The following GPR89A variants were observed in gnomAD, a reference collection of about 807,000 sequenced individuals.
The protein encoded by GPR89A is G protein-coupled receptor 89A.
A neutral mutation model predicts 52.0 loss-of-function variants in GPR89A; 16 were observed. The ratio of observed to expected loss-of-function variants is 0.31; its 90% CI spans 0.21 to 0.47. The LOEUF (loss-of-function observed/expected upper bound fraction) is 0.47, where lower values mean the gene tolerates loss of function less well. Ranked by LOEUF, GPR89A falls within the 20% of genes least tolerant of loss-of-function variation. The pLI, the probability that GPR89A is intolerant of heterozygous loss-of-function variation, is 1.00. For synonymous variants in GPR89A, 55 were observed against 150.9 expected (o/e 0.36, Z 4.66); for missense variants, 135 against 449.4 (o/e 0.30, Z 6.33).
At chr1:145,648,765 G>A (rs1302250427) in intron 10 of GPR89A, among the ~76,000 whole-genome samples, 2 of 145,466 alleles carry the variant, frequency 1.4e-5, no homozygotes, top group Admixed American at 6.9e-5. Flanking sequence ...ACAGGCGTGA[G>A]CCATCATCAC....
intron 7 of GPR89A, among the ~76,000 whole-genome samples, chr1:145,642,661 A>G (rs1398790695): frequency 2.0e-5 from 3 of 152,114 alleles, no homozygotes; most frequent in Non-Finnish European, 4.4e-5. Flanking sequence ...ATAAATACCA[A>G]TGCTGCTGCT....
rs377535028 is a variant in GPR89A at position 145,612,260 on chromosome 1, A to G, written c.43-3974A>G. On this transcript the variant is annotated intron_variant, in intron 1 of 13. Coordinates refer to ENST00000313835, the MANE Select transcript of GPR89A (RefSeq NM_001097612.2). ...GTGAAGCCAAAAGGTATGATCTCCT[A>G]CTATGAATACTTTCTGCATTTTAAT... The G allele has an allele frequency of 3.9e-5, 6 of 152,338 alleles. No individual in the cohort carries two copies. In the East Asian group the frequency reaches 7.7e-4, roughly 20 times the overall value. The allele number at this position is 152,338 out of a possible 1,614,324, so 9.4% of individuals were successfully genotyped here. A position where few individuals can be genotyped will look rare whatever the true frequency, so the allele number is the denominator to read the frequency against.
At chr1:145,666,268 T>C (rs1346374254) in intron 12 of GPR89A, among the ~76,000 whole-genome samples, 8 of 145,080 alleles carry the variant, frequency 5.5e-5, no homozygotes, top group African/African-American at 1.8e-4. Context: ...TAGGCAGATA[T>C]TCAGCAGATA....
chr1:145,649,488 T>C (rs1480818336), intron 10 of GPR89A, among the ~76,000 whole-genome samples: 1 of 149,706 alleles, frequency 6.7e-6, no homozygotes, highest in Non-Finnish European at 1.5e-5. Context: ...GTTTATTCTT[T>C]TGTATTGCTG....
At chr1:145,623,238 T>G in intron 4 of GPR89A, 78 bp downstream of exon 4, 1 of 1,467,728 alleles carries the variant, frequency 6.8e-7, no homozygotes, top group Non-Finnish European at 9.2e-7. Flanking sequence ...ATAGCTTCAT[T>G]TCTACATTAA....
rs1485795166 is a variant in GPR89A at position 145,629,890 on chromosome 1, T to C, written c.416-797T>C. 2.6e-5 allele frequency among the ~76,000 whole-genome samples: 4 copies of C among 152,218 alleles called. No homozygotes were observed. The East Asian group carries it at 7.7e-4, about 29-fold the overall frequency. ...TTTGAAGCTGACAGAATTCCTGAATTATAGCTCTGGCATTTGACCATAGGA... is the reference window on the plus strand; with the variant it reads ...TTTGAAGCTGACAGAATTCCTGAATCATAGCTCTGGCATTTGACCATAGGA... On this transcript the variant is annotated intron_variant, in intron 5 of 13. Transcript: ENST00000313835.
In GPR89A at chr1:145,613,530, T is replaced by C. The variant is rs1338562157; in HGVS notation, c.43-2704T>C. Among the ~76,000 whole-genome samples, 11 of 152,224 alleles carry C rather than the reference T, an allele frequency of 7.2e-5. No homozygotes were observed. The South Asian group carries it at 8.3e-4, about 12-fold the overall frequency. On this transcript the variant is annotated intron_variant, in intron 1 of 13. Transcript: ENST00000313835. ...CATTTCCCTGCTTAAATAACCCTCA[T>C]CACCTACAGACTATAATCTAAGCTC...
chr1:145,666,509 G>A (rs140230303), intron 12 of GPR89A, among the ~76,000 whole-genome samples: 4,604 of 151,860 alleles, frequency 0.03, 216 homozygotes, highest in African/African-American at 0.1. Flanking sequence ...CAGTTTCCAA[G>A]ATCCTATAAA....
At chr1:145,635,195 A>G (rs1343305593) in intron 7 of GPR89A, among the ~76,000 whole-genome samples, 1 of 152,184 alleles carries the variant, frequency 6.6e-6, no homozygotes, top group Non-Finnish European at 1.5e-5. Context: ...TCACAAGGTC[A>G]GGAGATCAAG....
At chr1:145,639,009 CAT>C (rs1553691270) in intron 7 of GPR89A, among the ~76,000 whole-genome samples, 1 of 150,248 alleles carries the variant, frequency 6.7e-6, no homozygotes, top group Admixed American at 6.6e-5. Context: ...TAGCAACGGA[CAT>C]ATGAACATCA....
chr1:145,650,863 C>G (rs1244077731), intron 10 of GPR89A, among the ~76,000 whole-genome samples: 2 of 152,052 alleles, frequency 1.3e-5, no homozygotes, highest in Non-Finnish European at 2.9e-5. Flanking sequence ...TTGTAAATTT[C>G]TTTAAGTTCC....
intron 1 of GPR89A, among the ~76,000 whole-genome samples, chr1:145,614,951 C>G (rs1648562516): frequency 6.6e-6 from 1 of 152,020 alleles, no homozygotes; most frequent in Admixed American, 6.6e-5. Context: ...GTAGTCTGTG[C>G]TAAACTACTG....
intron 1 of GPR89A, among the ~76,000 whole-genome samples, chr1:145,615,090 A>C (rs1185806303): frequency 2.6e-5 from 4 of 152,210 alleles, no homozygotes; most frequent in African/African-American, 9.7e-5. Flanking sequence ...TCTGTTTACT[A>C]CAGACCAGCT....
At chr1:145,639,581 T>C (rs1411341296) in intron 7 of GPR89A, among the ~76,000 whole-genome samples, 3 of 151,042 alleles carry the variant, frequency 2.0e-5, no homozygotes, top group African/African-American at 7.3e-5. Flanking sequence ...ACCCCGTCTC[T>C]ACTAAAAATA....
intron 9 of GPR89A, 44 bp downstream of exon 9, chr1:145,646,316 T>C (rs587604662): frequency 1.3e-6 from 2 of 1,499,130 alleles, no homozygotes; most frequent in African/African-American, 2.8e-5. Flanking sequence ...CCAATATTAT[T>C]AAAGAGAGAA....
At chr1:145,643,254 C>CT (rs1650780262) in intron 7 of GPR89A, among the ~76,000 whole-genome samples, 1 of 151,692 alleles carries the variant, frequency 6.6e-6, no homozygotes, top group Non-Finnish European at 1.5e-5. Flanking sequence ...CAACCTCTGC[C>CT]TCCTAGGTTC....
intron 5 of GPR89A, among the ~76,000 whole-genome samples, chr1:145,629,675 A>G (rs1553689551): frequency 6.6e-6 from 1 of 151,918 alleles, no homozygotes; most frequent in Non-Finnish European, 1.5e-5. Context: ...AGCGCTTCAG[A>G]AGGAAGATAG....
rs190692229 is a variant in GPR89A at position 145,609,260 on chromosome 1, C to T, written c.42+1085C>T. On this transcript the variant is annotated intron_variant, in intron 1 of 13. Coordinates refer to ENST00000313835, the MANE Select transcript of GPR89A (RefSeq NM_001097612.2). Reference sequence around the variant, plus strand: ...GTTCTTTGATTCCGTTTTTGTATTGCTTCATCCTAATACTCGTCTCCGTAG... The same window carrying T: ...GTTCTTTGATTCCGTTTTTGTATTGTTTCATCCTAATACTCGTCTCCGTAG... Among the ~76,000 whole-genome samples, 430 of 152,236 alleles carry T rather than the reference C, an allele frequency of 2.8e-3. 2 individuals are homozygous for T. Among genetic ancestry groups the T allele is most frequent in the African/African-American group, 9.8e-3 (408 of 41,540 alleles).
intron 12 of GPR89A, 76 bp downstream of exon 12, chr1:145,665,727 G>T: frequency 2.7e-6 from 2 of 727,994 alleles, no homozygotes; most frequent in Non-Finnish European, 4.6e-6. Context: ...GGGTGTGGTG[G>T]CTCACGCCTG....
Sources: allele counts gnomAD v4.1 joint callset (sites outside exome capture counted in the v4.1 genomes callset), GRCh38; gene constraint gnomAD v4.1.1; transcripts MANE v1.5; gene names NCBI Gene and HGNC (gene_info 2026-07-23, HGNC 2026-07-21).